Variants in KCNH7 observed in about 807,000 individuals in gnomAD.
The protein encoded by KCNH7 is potassium voltage-gated channel subfamily H member 7.
KCNH7 carries 49 observed loss-of-function variants against 120.8 expected under a neutral mutation model. The ratio of observed to expected loss-of-function variants is 0.41; its 90% CI spans 0.32 to 0.51. KCNH7 has a LOEUF of 0.51. Among genes scored for constraint, KCNH7 ranks in the 20% least tolerant of loss-of-function variants. The pLI is 0.38. For missense variants in KCNH7, 1,097 were observed against 1,446.6 expected, an observed-to-expected ratio of 0.76 and a Z score of 3.92; for synonymous variants, 547 against 516.1, an observed-to-expected ratio of 1.06 and a Z score of -0.81.
chr2:162,626,648 G>A (rs970042496), intron 2 of KCNH7, among the ~76,000 whole-genome samples: 1 of 152,144 alleles, frequency 6.6e-6, no homozygotes, highest in African/African-American at 2.4e-5. Context: ...TAGGCTAGCA[G>A]CATTGGCATT....
At position 162,371,656 on chromosome 2, in the gene KCNH7, A is replaced by G; in HGVS notation, c.*173T>C. The stretch of plus-strand genomic sequence containing the variant: ...ACCAAAAGTTCTTATGTATATTTAC[A>G]TCCTAACTGCTCAGTTTTACCTTAC... On this transcript the variant is annotated 3_prime_UTR_variant, in exon 16 of 16. Coordinates refer to ENST00000332142, the MANE Select transcript of KCNH7 (RefSeq NM_033272.4). 1 of 783,746 alleles carries G rather than the reference A, an allele frequency of 1.3e-6. No individual in the cohort carries two copies. Among genetic ancestry groups the G allele is most frequent in the East Asian group, 2.7e-5 (1 of 36,652 alleles). The allele number at this position is 783,746 out of a possible 1,614,324, so 48.5% of individuals were successfully genotyped here. A position where few individuals can be genotyped will look rare whatever the true frequency, so the allele number is the denominator to read the frequency against.
At chr2:162,830,405 G>C (rs1685437750) in intron 2 of KCNH7, among the ~76,000 whole-genome samples, 1 of 152,056 alleles carries the variant, frequency 6.6e-6, no homozygotes, top group Non-Finnish European at 1.5e-5. Context: ...ACACATTATG[G>C]AAACCATGCC....
At chr2:162,377,105 C>T (rs1686223393) in intron 14 of KCNH7, among the ~76,000 whole-genome samples, 1 of 152,046 alleles carries the variant, frequency 6.6e-6, no homozygotes, top group South Asian at 2.1e-4. Context: ...TAGAACGTGT[C>T]CTGGGATTCT....
At chr2:162,506,971 T>C (rs937670085) in intron 5 of KCNH7, among the ~76,000 whole-genome samples, 1 of 151,904 alleles carries the variant, frequency 6.6e-6, no homozygotes, top group African/African-American at 2.4e-5. Context: ...GTGAAAAGCC[T>C]GTTTATTCAT....
chr2:162,781,708 A>G (rs1683498836), intron 2 of KCNH7, among the ~76,000 whole-genome samples: 2 of 152,304 alleles, frequency 1.3e-5, no homozygotes, highest in South Asian at 4.1e-4. Flanking sequence ...TAGCAAATAA[A>G]TCTAGATACT....
At chr2:162,636,669 T>G (rs1177540036) in intron 2 of KCNH7, among the ~76,000 whole-genome samples, 1 of 152,146 alleles carries the variant, frequency 6.6e-6, no homozygotes, top group African/African-American at 2.4e-5. Flanking sequence ...CATATTCTGT[T>G]GCTTTTAGGT....
intron 2 of KCNH7, among the ~76,000 whole-genome samples, chr2:162,633,643 A>G (rs1683843144): frequency 6.6e-6 from 1 of 151,980 alleles, no homozygotes; most frequent in Non-Finnish European, 1.5e-5. Flanking sequence ...TAGAAATGGT[A>G]AACTGATTTT....
At chr2:162,829,379 G>C (rs1685393999) in intron 2 of KCNH7, among the ~76,000 whole-genome samples, 1 of 152,078 alleles carries the variant, frequency 6.6e-6, no homozygotes, top group African/African-American at 2.4e-5. Context: ...TACTGATTAA[G>C]AATTTTCAAG....
chr2:162,482,207 G>T (rs1432093248), intron 6 of KCNH7, among the ~76,000 whole-genome samples: 2 of 152,208 alleles, frequency 1.3e-5, no homozygotes, highest in Admixed American at 6.5e-5. Context: ...TCTCAGAAAT[G>T]AGAAGGCTTT....
At chr2:162,413,346 C>T (rs999037732) in intron 9 of KCNH7, among the ~76,000 whole-genome samples, 3 of 152,170 alleles carry the variant, frequency 2.0e-5, no homozygotes, top group East Asian at 1.9e-4. Context: ...AGGCTAGTCT[C>T]GAACTCCTGA....
rs1270154356 is a variant in KCNH7, at chr2:162,423,470, C to A, written c.2020G>T (p.Ala674Ser). The A allele has an allele frequency of 6.2e-7, 1 of 1,613,996 alleles. No individual in the cohort carries two copies. The highest frequency in any genetic ancestry group is 1.3e-5 in the African/African-American group (1 of 74,940). Residue 674 changes from alanine to serine, a missense_variant, in exon 9 of 16, where the codon GCC (alanine) becomes TCC (serine). Around this residue, in one of 8 missense-constraint regions of KCNH7, gnomAD observed 24 missense variants for 105.8 expected, o/e 0.23. Coordinates refer to ENST00000332142, the MANE Select transcript of KCNH7 (RefSeq NM_033272.4). ...CGCAGCATCTGCATGTGGTACCTGG[C>A]AGTTCCCGAGTATAGTCTTTGGATA... is the stretch of plus-strand genomic sequence containing the variant. Reference protein sequence around the residue: ...AIIQRLYSGTARYHMQMLRVK... With the variant: ...AIIQRLYSGTSRYHMQMLRVK...
intron 8 of KCNH7, among the ~76,000 whole-genome samples, chr2:162,426,207 C>A (rs1450341597): frequency 7.1e-6 from 1 of 141,500 alleles, no homozygotes; most frequent in East Asian, 2.0e-4. Context: ...GAGTGAGACC[C>A]TATCTTTAAA....
At chr2:162,529,469 C>T (rs1691839198) in intron 3 of KCNH7, among the ~76,000 whole-genome samples, 1 of 151,828 alleles carries the variant, frequency 6.6e-6, no homozygotes, top group Non-Finnish European at 1.5e-5. Flanking sequence ...CAAAAGTGTG[C>T]ATGTATCTGT....
intron 12 of KCNH7, among the ~76,000 whole-genome samples, chr2:162,392,044 A>T (rs1230446824): frequency 6.6e-6 from 1 of 152,040 alleles, no homozygotes; most frequent in African/African-American, 2.4e-5. Context: ...TTTATCAACC[A>T]TTCTTTGCTA....
chr2:162,551,918 G>A (rs1692681624), intron 2 of KCNH7, among the ~76,000 whole-genome samples: 1 of 152,162 alleles, frequency 6.6e-6, no homozygotes, highest in Non-Finnish European at 1.5e-5. Flanking sequence ...AGCCCATTGA[G>A]AATAATGTAT....
In KCNH7 at chr2:162,411,959, C is replaced by A. The variant is rs10209874; in HGVS notation, c.2154+11377G>T. The stretch of plus-strand genomic sequence containing the variant: ...AGGACCACCTACCATTCAAACAGAC[C>A]AGAACAAACCAAATTAAATCAAACT... On this transcript the variant is annotated intron_variant, in intron 9 of 15. Transcript: ENST00000332142. Among the ~76,000 whole-genome samples the A allele has an allele frequency of 4.1e-3, 627 of 151,800 alleles. 2 individuals are homozygous for A. Among genetic ancestry groups the A allele is most frequent in the African/African-American group, 0.014 (593 of 41,466 alleles).
intron 2 of KCNH7, among the ~76,000 whole-genome samples, chr2:162,600,129 A>T (rs1167831459): frequency 6.6e-6 from 1 of 152,092 alleles, no homozygotes; most frequent in African/African-American, 2.4e-5. Context: ...GCTTGTAATC[A>T]ATCACATACA....
intron 2 of KCNH7, among the ~76,000 whole-genome samples, chr2:162,721,475 T>C (rs1687323302): frequency 6.6e-6 from 1 of 152,112 alleles, no homozygotes; most frequent in South Asian, 2.1e-4. Context: ...CTTCTTCCAG[T>C]CACATTGCAG....
At chr2:162,496,965 T>C (rs1690517755) in intron 6 of KCNH7, 1 of 152,180 alleles carries the variant, frequency 6.6e-6, no homozygotes, top group South Asian at 2.1e-4. Flanking sequence ...TGAGTACATG[T>C]GATCTCATCT....
Sources: allele counts gnomAD v4.1 joint callset (sites outside exome capture counted in the v4.1 genomes callset), GRCh38; gene constraint gnomAD v4.1.1; regional missense constraint gnomAD v4.1.1; transcripts MANE v1.5; gene names NCBI Gene and HGNC (gene_info 2026-07-23, HGNC 2026-07-21).